The following SIMC1 variants were observed in gnomAD, a reference collection of about 807,000 sequenced individuals.
The protein encoded by SIMC1 is SUMO-interacting motif-containing protein 1.
A neutral mutation model predicts 82.3 loss-of-function variants in SIMC1; 55 were observed. The observed-to-expected ratio is 0.67, with a 90% CI of 0.54 to 0.84. The LOEUF (loss-of-function observed/expected upper bound fraction) is 0.84, where lower values mean the gene tolerates loss of function less well. Among genes scored for constraint, SIMC1 ranks in the 40% least tolerant of loss-of-function variants. The pLI, the probability that SIMC1 is intolerant of heterozygous loss-of-function variation, is 0.00. For missense variants in SIMC1, 915 were observed against 1,107.2 expected (o/e 0.83, Z 2.46); for synonymous variants, 353 against 426.3 (o/e 0.83, Z 2.12).
chr5:176,281,788 A>G (rs1763021038), intron 1 of SIMC1, among the ~76,000 whole-genome samples: 1 of 152,222 alleles, frequency 6.6e-6, no homozygotes, highest in Non-Finnish European at 1.5e-5. Context: ...TTCCTCTGGA[A>G]GTTTTGTCTC....
chr5:176,246,410 GT>G lies in SIMC1; in HGVS notation c.129+7774del, dbSNP rs879570409. ...TCAGCTTGTATAATAGTTCAGGGGT[GT>G]GTGTGTGTGTGTGTGTGTGTGTGTG... On this transcript the variant is annotated intron_variant, in intron 1 of 9. Transcript: ENST00000429602. Among the ~76,000 whole-genome samples the G allele has an allele frequency of 1.9e-3, 186 of 97,684 alleles. No individual in the cohort carries two copies. The Middle Eastern group carries it at 0.026, about 14-fold the overall frequency. 64.1% of individuals were successfully genotyped at this position (97,684 alleles called of 152,430 possible).
At chr5:176,261,664 C>T (rs1420243916) in intron 1 of SIMC1, among the ~76,000 whole-genome samples, 1 of 151,762 alleles carries the variant, frequency 6.6e-6, no homozygotes, top group Non-Finnish European at 1.5e-5. Flanking sequence ...AGGAGAATCA[C>T]TTGAACCCAG....
At chr5:176,327,570 A>G (rs777601216) in intron 7 of SIMC1, among the ~76,000 whole-genome samples, 2 of 152,156 alleles carry the variant, frequency 1.3e-5, no homozygotes, top group East Asian at 1.9e-4. Context: ...CAATCTGTGT[A>G]TGCCTTTTGC....
intron 1 of SIMC1, among the ~76,000 whole-genome samples, chr5:176,262,241 A>G (rs1163634009): frequency 6.6e-6 from 1 of 150,572 alleles, no homozygotes; most frequent in African/African-American, 2.4e-5. Context: ...GATCCCTTCA[A>G]TAGAGGCCAA....
intron 9 of SIMC1, among the ~76,000 whole-genome samples, chr5:176,340,010 C>T (rs1241621340): frequency 1.3e-5 from 2 of 152,150 alleles, no homozygotes; most frequent in Non-Finnish European, 2.9e-5. Flanking sequence ...TCTAGCTCCA[C>T]TAGTTGTCTA....
intron 1 of SIMC1, among the ~76,000 whole-genome samples, chr5:176,241,943 T>C (rs1052947926): frequency 6.6e-6 from 1 of 152,064 alleles, no homozygotes; most frequent in Non-Finnish European, 1.5e-5. Flanking sequence ...GTCATGACTT[T>C]TCTCTGTTTC....
chr5:176,254,883 G>A (rs1043827597), intron 1 of SIMC1, among the ~76,000 whole-genome samples: 20 of 152,202 alleles, frequency 1.3e-4, no homozygotes, highest in African/African-American at 4.8e-4. Context: ...ACAAAAAAAT[G>A]TTTCCACCTT....
intron 1 of SIMC1, among the ~76,000 whole-genome samples, chr5:176,268,751 A>T (rs1267994124): frequency 1.3e-5 from 2 of 152,240 alleles, no homozygotes; most frequent in African/African-American, 4.8e-5. Context: ...TCTGTAGTTG[A>T]TAATAAAACT....
At chr5:176,282,289 G>T (rs1443385213) in intron 1 of SIMC1, among the ~76,000 whole-genome samples, 1 of 152,232 alleles carries the variant, frequency 6.6e-6, no homozygotes, top group East Asian at 1.9e-4. Flanking sequence ...TCGGAAAAGC[G>T]CAGTATTAGG....
chr5:176,335,273 C>CTTTTTTT (rs1225021593), intron 7 of SIMC1, among the ~76,000 whole-genome samples: 3 of 98,670 alleles, frequency 3.0e-5, no homozygotes, highest in African/African-American at 3.9e-5. Flanking sequence ...TTCTTTGTAT[C>CTTTTTTT]TTTTTTTTTT....
In SIMC1 at chr5:176,280,021, G is replaced by A. The variant is rs200916115; in HGVS notation, c.130-9633G>A. On this transcript the variant is annotated intron_variant, in intron 1 of 9. Coordinates refer to ENST00000429602, the MANE Select transcript of SIMC1 (RefSeq NM_001308195.2). ...GGTGCAGAGCTGAGTTCAATTCCTGGGTATCTTTGTTGACTTTCTGTCTTG... is the reference window on the plus strand; with the variant it reads ...GGTGCAGAGCTGAGTTCAATTCCTGAGTATCTTTGTTGACTTTCTGTCTTG... 6.6e-5 allele frequency among the ~76,000 whole-genome samples: 10 copies of A among 151,976 alleles called. No homozygotes were observed. The East Asian group carries it at 1.9e-3, about 30-fold the overall frequency.
intron 4 of SIMC1, 71 bp from the exon 5 acceptor site, chr5:176,313,620 T>C (rs762288341): frequency 1.4e-5 from 22 of 1,587,802 alleles, no homozygotes; most frequent in Non-Finnish European, 1.9e-5. Flanking sequence ...TTAGTATTTA[T>C]GAGAGCCCAA....
intron 4 of SIMC1, chr5:176,308,932 A>C: frequency 8.4e-7 from 1 of 1,186,790 alleles, no homozygotes; most frequent in South Asian, 1.2e-5. Flanking sequence ...TGGAGGACAG[A>C]CTGGAGCAAA....
At chr5:176,283,535 G>C (rs1763115619) in intron 1 of SIMC1, among the ~76,000 whole-genome samples, 1 of 152,144 alleles carries the variant, frequency 6.6e-6, no homozygotes, top group African/African-American at 2.4e-5. Flanking sequence ...CACTAAACAT[G>C]GAAAGGAAGA....
At chr5:176,315,189 G>A (rs1764842924) in intron 5 of SIMC1, among the ~76,000 whole-genome samples, 1 of 152,136 alleles carries the variant, frequency 6.6e-6, no homozygotes, top group Admixed American at 6.5e-5. Context: ...TTTCTGGTGA[G>A]GGCATCAGGA....
intron 1 of SIMC1, among the ~76,000 whole-genome samples, chr5:176,272,534 G>A (rs1762489672): frequency 6.6e-6 from 1 of 152,190 alleles, no homozygotes; most frequent in Non-Finnish European, 1.5e-5. Context: ...GCAGAAGACG[G>A]GTGATGTCTG....
chr5:176,249,459 T>C (rs1350012675), intron 1 of SIMC1, among the ~76,000 whole-genome samples: 9 of 152,072 alleles, frequency 5.9e-5, no homozygotes, highest in Non-Finnish European at 1.2e-4. Flanking sequence ...TCCCCTTTAT[T>C]ATTTTTTATT....
Position 176,290,381 on chromosome 5 carries a change from C to T in SIMC1, c.857C>T (p.Pro286Leu). The change falls in exon 2 of 10, where the codon CCT becomes CTT. Residue 286 changes from proline (P) to leucine (L), a missense_variant. Transcript: ENST00000429602. ...CCACCTCAAGACTCTCTGGGCCTAC[C>T]TCAAGATGTGCCAGGGCTGCCTCAA... ...PGPPQDSLGLPQDVPGLPQSI... is the reference protein window; with the variant it reads ...PGPPQDSLGLLQDVPGLPQSI... 1.2e-6 allele frequency: 2 copies of T among 1,613,972 alleles called. No homozygotes were observed. Among genetic ancestry groups the T allele is most frequent in the South Asian group, 1.1e-5 (1 of 91,070 alleles).
In SIMC1 at chr5:176,290,030, A is replaced by C. The variant is rs1277593988; in HGVS notation, c.506A>C (p.Asn169Thr). The C allele has an allele frequency of 1.9e-6, 3 of 1,613,190 alleles. No individual in the cohort carries two copies. The highest frequency in any genetic ancestry group is 2.5e-6 in the Non-Finnish European group (3 of 1,179,664). Residue 169 changes from asparagine to threonine, a missense_variant, in exon 2 of 10, where the codon AAC becomes ACC. Coordinates refer to ENST00000429602, the MANE Select transcript of SIMC1 (RefSeq NM_001308195.2). ...TGTAGCTCAGCCACATTCACAGGTA[A>C]CCTCAGCTTCTTGGCAAGTCTACAG... ...PNCSSATFTGNLSFLASLQLS... is the reference protein window; with the variant it reads ...PNCSSATFTGTLSFLASLQLS...
Sources: allele counts gnomAD v4.1 joint callset (sites outside exome capture counted in the v4.1 genomes callset), GRCh38; gene constraint gnomAD v4.1.1; transcripts MANE v1.5; gene names NCBI Gene and HGNC (gene_info 2026-07-23, HGNC 2026-07-21).